CCL28: variants seen among roughly 807,000 people sequenced by gnomAD.
The protein encoded by CCL28 is C-C motif chemokine 28.
A neutral mutation model predicts 7.1 loss-of-function variants in CCL28; 4 were observed. The ratio of observed to expected loss-of-function variants is 0.56; its 90% CI spans 0.28 to 1.29. CCL28 has a LOEUF of 1.29. Among genes scored for constraint, CCL28 ranks in the 50% most tolerant of loss-of-function variants. CCL28 has a pLI of 0.11. For synonymous variants in CCL28, 55 were observed against 57.8 expected (o/e 0.95, Z 0.22); for missense variants, 151 against 163.4 (o/e 0.92, Z 0.41).
chr5:43,390,593 G>A (rs1444731051), intron 1 of CCL28, among the ~76,000 whole-genome samples: 1 of 152,226 alleles, frequency 6.6e-6, no homozygotes, highest in Non-Finnish European at 1.5e-5. Flanking sequence ...AGGCACTGAG[G>A]TCAGCTCTCT....
chr5:43,396,525 T>G (rs1416363215), intron 1 of CCL28, among the ~76,000 whole-genome samples: 1 of 152,154 alleles, frequency 6.6e-6, no homozygotes, highest in African/African-American at 2.4e-5. Flanking sequence ...TTGTCTCTAA[T>G]AATAAATAAA....
At chr5:43,363,588 CT>C in the CCL28 span, among the ~76,000 whole-genome samples, 1 of 152,212 alleles carries the variant, frequency 6.6e-6, no homozygotes, top group Non-Finnish European at 1.5e-5. Context: ...CACTGAGTCC[CT>C]GGTGTCAAGC....
intron 1 of CCL28, among the ~76,000 whole-genome samples, chr5:43,398,349 G>A (rs1740901627): frequency 2.0e-5 from 3 of 152,044 alleles, no homozygotes; most frequent in East Asian, 1.9e-4. Context: ...TCAGCCTCCC[G>A]TGTTGCTGGG....
intron 1 of CCL28, among the ~76,000 whole-genome samples, chr5:43,402,245 C>A (rs1438768158): frequency 6.6e-6 from 1 of 152,152 alleles, no homozygotes; most frequent in Non-Finnish European, 1.5e-5. Context: ...CCTTAAAATT[C>A]TCTTTCTTTC....
chr5:43,382,145 T>C, intron 2 of CCL28, 93 bp from the exon 3 acceptor site: 1 of 1,117,208 alleles, frequency 9.0e-7, no homozygotes, highest in Non-Finnish European at 1.3e-6. Context: ...TTTGGGACAC[T>C]GTATTCCTAG....
Position 43,382,107 on chromosome 5 carries a change from C to A in CCL28, c.192-55G>T, listed in dbSNP as rs1579721518. On this transcript the variant is annotated intron_variant, in intron 2 of 2. Coordinates refer to ENST00000361115, the MANE Select transcript of CCL28 (RefSeq NM_148672.3). ...CTGATATAAAACATATATAAATAATCACTTAGTGACTTACATGCAGCTCCC... is the reference window on the plus strand; with the variant it reads ...CTGATATAAAACATATATAAATAATAACTTAGTGACTTACATGCAGCTCCC... 5 of 1,499,340 alleles carry A rather than the reference C, an allele frequency of 3.3e-6. No homozygotes were observed. The South Asian group carries it at 3.9e-5, about 12-fold the overall frequency. 92.9% of individuals were successfully genotyped at this position (1,499,340 alleles called of 1,614,324 possible). A position where few individuals can be genotyped will look rare whatever the true frequency, so the allele number is the denominator to read the frequency against.
intron 1 of CCL28, among the ~76,000 whole-genome samples, chr5:43,398,996 G>A (rs985355597): frequency 1.4e-4 from 22 of 152,054 alleles, no homozygotes; most frequent in African/African-American, 5.1e-4. Context: ...TACTATGTCA[G>A]TAACTTCAAA....
At chr5:43,369,073 A>C in the CCL28 span, among the ~76,000 whole-genome samples, 2 of 111,994 alleles carry the variant, frequency 1.8e-5, no homozygotes, top group African/African-American at 7.0e-5. Flanking sequence ...AGAGAGAGAG[A>C]GAGAGAGAGA....
intron 2 of CCL28, among the ~76,000 whole-genome samples, chr5:43,386,570 T>C (rs1458937370): frequency 6.6e-6 from 1 of 152,222 alleles, no homozygotes; most frequent in Non-Finnish European, 1.5e-5. Flanking sequence ...CATCTGACCC[T>C]GAGTGTGACC....
At chr5:43,401,221 T>G (rs1048887903) in intron 1 of CCL28, among the ~76,000 whole-genome samples, 5 of 152,238 alleles carry the variant, frequency 3.3e-5, no homozygotes, top group Non-Finnish European at 5.9e-5. Context: ...TGACCACTGC[T>G]GTCACTAAGT....
At chr5:43,369,020 GAGAGAGAA>G in the CCL28 span, among the ~76,000 whole-genome samples, 4 of 140,658 alleles carry the variant, frequency 2.8e-5, no homozygotes, top group Non-Finnish European at 4.6e-5. Context: ...GGGGCAGGGG[GAGAGAGAA>G]AGAGAGAAAG....
At chr5:43,404,716 A>T (rs1021173178) in intron 1 of CCL28, among the ~76,000 whole-genome samples, 15 of 152,334 alleles carry the variant, frequency 9.8e-5, no homozygotes, top group African/African-American at 3.6e-4. Context: ...AGACTGGCAA[A>T]CTGGATAAAG....
chr5:43,399,994 C>T (rs1452759390), intron 1 of CCL28, among the ~76,000 whole-genome samples: 3 of 151,884 alleles, frequency 2.0e-5, no homozygotes, highest in African/African-American at 7.3e-5. Flanking sequence ...TACAGGTGCA[C>T]CCCACTATGC....
At chr5:43,411,920 A>G (rs2111936796) in intron 1 of CCL28, among the ~76,000 whole-genome samples, 1 of 152,342 alleles carries the variant, frequency 6.6e-6, no homozygotes, top group African/African-American at 2.4e-5. Context: ...ACAGATGAAT[A>G]GTAGGGGCTT....
In CCL28 at chr5:43,379,530, T is replaced by A. The variant is rs1740020879; in HGVS notation, c.*2330A>T. 1 of 152,000 alleles carries A rather than the reference T, an allele frequency of 6.6e-6. No homozygotes were observed. Among genetic ancestry groups the A allele is most frequent in the Non-Finnish European group, 1.5e-5 (1 of 67,986 alleles). 9.4% of individuals were successfully genotyped at this position (152,000 alleles called of 1,614,324 possible). ...AAAGCTTGCAGAAATGTCAGGAAAA[T>A]AAATAAATTAAATGCTAAATAGTCA... On this transcript the variant is annotated 3_prime_UTR_variant, in exon 3 of 3. Coordinates refer to ENST00000361115, the MANE Select transcript of CCL28 (RefSeq NM_148672.3).
intron 1 of CCL28, among the ~76,000 whole-genome samples, chr5:43,395,022 T>C (rs1285611183): frequency 6.6e-6 from 1 of 151,368 alleles, no homozygotes; most frequent in African/African-American, 2.4e-5. Context: ...ATTAAGGGTA[T>C]GTTAATCTCA....
the CCL28 span, among the ~76,000 whole-genome samples, chr5:43,369,036 AAGAGAGAGAGAGAGAGAG>A: frequency 0.48 from 50,487 of 104,550 alleles, 12,326 homozygotes; most frequent in Middle Eastern, 0.63. Context: ...GAAAGAGAGA[AAGAGAGAGAGAGAGAGAG>A]AGAGAGAGAG....
chr5:43,401,389 A>G (rs1741031316), intron 1 of CCL28, among the ~76,000 whole-genome samples: 1 of 152,202 alleles, frequency 6.6e-6, no homozygotes, highest in Non-Finnish European at 1.5e-5. Flanking sequence ...TAGAGTGGTC[A>G]GGGGATAGTC....
chr5:43,395,177 GT>G (rs1409821784), intron 1 of CCL28, among the ~76,000 whole-genome samples: 1 of 148,834 alleles, frequency 6.7e-6, no homozygotes, highest in Non-Finnish European at 1.5e-5. Flanking sequence ...AGTTGGATTT[GT>G]TATTGGCTTA....
Sources: gnomAD v4.1 joint callset for allele counts (sites outside exome capture counted in the v4.1 genomes callset) on GRCh38, gnomAD v4.1.1 for gene constraint, MANE v1.5 for transcripts, NCBI Gene and HGNC (gene_info 2026-07-23, HGNC 2026-07-21) for gene names.